Variants in DOK6 observed in about 807,000 individuals in gnomAD.
DOK6 encodes downstream of tyrosine kinase 6.
In DOK6, 22 loss-of-function variants were observed where a neutral mutation model predicts 44.0. That is an observed-to-expected ratio of 0.50 (90% CI 0.36 to 0.71). DOK6 has a LOEUF of 0.71. Among genes scored for constraint, DOK6 ranks in the 30% least tolerant of loss-of-function variants. DOK6 has a pLI of 0.00. For synonymous variants in DOK6, 166 were observed against 145.5 expected, an observed-to-expected ratio of 1.14 and a Z score of -1.01; for missense variants, 340 against 416.4, an observed-to-expected ratio of 0.82 and a Z score of 1.60.
chr18:69,547,398 C>T (rs1599185057), intron 1 of DOK6, among the ~76,000 whole-genome samples: 2 of 151,210 alleles, frequency 1.3e-5, no homozygotes, highest in Non-Finnish European at 3.0e-5. Flanking sequence ...TGCACCCTGC[C>T]GGGCACACAC....
intron 7 of DOK6, among the ~76,000 whole-genome samples, chr18:69,766,328 C>T (rs1979715896): frequency 6.6e-6 from 1 of 152,118 alleles, no homozygotes; most frequent in South Asian, 2.1e-4. Flanking sequence ...CAGTCGTAAC[C>T]ATAACCTCAG....
chr18:69,624,871 A>C lies in DOK6; in HGVS notation c.289+25373A>C, dbSNP rs117820183. On this transcript the variant is annotated intron_variant, in intron 3 of 7. Coordinates refer to ENST00000382713, the MANE Select transcript of DOK6 (RefSeq NM_152721.6). ...GCAGGAGTTACACCTAAACCTATTA[A>C]ACATCGTCTTTTCTTCTTTACATGT... 9.3e-3 allele frequency among the ~76,000 whole-genome samples: 1,413 copies of C among 152,214 alleles called. 9 individuals carry two copies. The highest frequency in any genetic ancestry group is 0.015 in the Non-Finnish European group (1,005 of 67,944).
chr18:69,481,371 C>G (rs954192220), intron 1 of DOK6, among the ~76,000 whole-genome samples: 1 of 152,036 alleles, frequency 6.6e-6, no homozygotes, highest in African/African-American at 2.4e-5. Context: ...TATCCCTACC[C>G]CCTACCCCCA....
chr18:69,673,598 A>G (rs890353045), intron 3 of DOK6, among the ~76,000 whole-genome samples: 1 of 152,124 alleles, frequency 6.6e-6, no homozygotes, highest in Non-Finnish European at 1.5e-5. Context: ...CAGTCAACCC[A>G]TTTGTCACAT....
intron 1 of DOK6, among the ~76,000 whole-genome samples, chr18:69,473,020 A>G (rs959583462): frequency 7.9e-5 from 12 of 152,228 alleles, no homozygotes; most frequent in African/African-American, 2.7e-4. Context: ...TGTAAGTTAG[A>G]GAGAAAAACA....
At chr18:69,599,308 C>A in intron 2 of DOK6, 76 bp from the exon 3 acceptor site, 2 of 999,018 alleles carry the variant, frequency 2.0e-6, no homozygotes, top group South Asian at 1.7e-5. Context: ...ACTGTGATAA[C>A]TTATCATTTT....
intron 5 of DOK6, among the ~76,000 whole-genome samples, chr18:69,730,973 A>C (rs988405625): frequency 6.6e-6 from 1 of 152,158 alleles, no homozygotes; most frequent in Non-Finnish European, 1.5e-5. Flanking sequence ...AAAAATTAAA[A>C]AAAATTCAGT....
chr18:69,571,922 T>C (rs1599199171), intron 2 of DOK6, among the ~76,000 whole-genome samples: 1 of 151,972 alleles, frequency 6.6e-6, no homozygotes, highest in Non-Finnish European at 1.5e-5. Context: ...AAAACAACTA[T>C]AGAATAAAGG....
rs1985470100 is a variant in DOK6 at position 69,659,859 on chromosome 18, T to TAAC, written c.290-17874_290-17873insACA. ...ATAACATATATGTATGTTATATATA[T>TAAC]ATATATAAAACATATATGTATGTTT... On this transcript the variant is annotated intron_variant, in intron 3 of 7. Coordinates refer to ENST00000382713, the MANE Select transcript of DOK6 (RefSeq NM_152721.6). 9 of 121,244 alleles carry TAAC rather than the reference T, an allele frequency of 7.4e-5. 2 individuals carry two copies. In the South Asian group the frequency reaches 2.4e-3, roughly 32 times the overall value. The allele number at this position is 121,244 out of a possible 1,614,324, so 7.5% of individuals were successfully genotyped here.
chr18:69,644,828 A>T (rs1005128741), intron 3 of DOK6, among the ~76,000 whole-genome samples: 2 of 152,248 alleles, frequency 1.3e-5, no homozygotes, highest in Non-Finnish European at 2.9e-5. Flanking sequence ...TTTATGAAAG[A>T]GTAACAGGTG....
chr18:69,567,254 A>G (rs1983005785), intron 2 of DOK6, among the ~76,000 whole-genome samples: 1 of 152,208 alleles, frequency 6.6e-6, no homozygotes, highest in African/African-American at 2.4e-5. Context: ...CCTCTAGTCT[A>G]TCACTGATCT....
At chr18:69,689,843 A>T (rs1986227259) in intron 4 of DOK6, among the ~76,000 whole-genome samples, 1 of 152,044 alleles carries the variant, frequency 6.6e-6, no homozygotes, top group African/African-American at 2.4e-5. Context: ...CGTTAAACAG[A>T]TAATTTAAAT....
At chr18:69,565,899 T>C (rs1483600254) in intron 2 of DOK6, among the ~76,000 whole-genome samples, 1 of 152,250 alleles carries the variant, frequency 6.6e-6, no homozygotes, top group Non-Finnish European at 1.5e-5. Context: ...GATATGTTTG[T>C]GTTATAACTA....
At position 69,422,841 on chromosome 18, in the gene DOK6, A is replaced by T. The variant is rs765038688; in HGVS notation, c.66+21531A>T. On this transcript the variant is annotated intron_variant, in intron 1 of 7. Coordinates refer to ENST00000382713, the MANE Select transcript of DOK6 (RefSeq NM_152721.6). ...TTCATTACCTAGACTAATAATTTAAACTTAAACTTGCAATTCAGAACTATT... is the reference window on the plus strand; with the variant it reads ...TTCATTACCTAGACTAATAATTTAATCTTAAACTTGCAATTCAGAACTATT... Among the ~76,000 whole-genome samples the T allele has an allele frequency of 1.2e-3, 182 of 152,330 alleles. 1 individual carries two copies. Among genetic ancestry groups the T allele is most frequent in the Non-Finnish European group, 2.0e-3 (135 of 68,038 alleles).
rs78507418 is a variant in DOK6, at chr18:69,828,049, G to A, written c.857-13195G>A. Among the ~76,000 whole-genome samples, 707 of 151,780 alleles carry A rather than the reference G, an allele frequency of 4.7e-3. 4 individuals are homozygous for A. Among genetic ancestry groups the A allele is most frequent in the Non-Finnish European group, 8.3e-3 (559 of 67,754 alleles). On this transcript the variant is annotated intron_variant, in intron 7 of 7. Coordinates refer to ENST00000382713, the MANE Select transcript of DOK6 (RefSeq NM_152721.6). ...TATGGTTCAGATCTCTATCTAAACC[G>A]GGAATACTGTACTTCATCATCCTAA...
chr18:69,560,293 AC>A (rs1266094849), intron 1 of DOK6, among the ~76,000 whole-genome samples: 3 of 152,170 alleles, frequency 2.0e-5, no homozygotes, highest in Non-Finnish European at 4.4e-5. Flanking sequence ...GAATTCTAAT[AC>A]AAAAGTGTGA....
intron 5 of DOK6, among the ~76,000 whole-genome samples, chr18:69,718,346 G>A (rs1382541397): frequency 6.6e-6 from 1 of 152,126 alleles, no homozygotes; most frequent in African/African-American, 2.4e-5. Context: ...AAAAGAAGCT[G>A]AGAGTTGGGG....
intron 3 of DOK6, among the ~76,000 whole-genome samples, chr18:69,609,789 G>C (rs1196513688): frequency 6.6e-6 from 1 of 152,140 alleles, no homozygotes; most frequent in African/African-American, 2.4e-5. Flanking sequence ...TTGATCAGCT[G>C]ATGAATGGAT....
chr18:69,449,352 C>A (rs1186644039), intron 1 of DOK6, among the ~76,000 whole-genome samples: 1 of 152,092 alleles, frequency 6.6e-6, no homozygotes, highest in Admixed American at 6.6e-5. Flanking sequence ...GAATTAAGAG[C>A]TTTTCTCTTA....
Sources: gnomAD v4.1 joint callset for allele counts (sites outside exome capture counted in the v4.1 genomes callset) on GRCh38, gnomAD v4.1.1 for gene constraint, MANE v1.5 for transcripts, NCBI Gene and HGNC (gene_info 2026-07-23, HGNC 2026-07-21) for gene names.